CSMD1: variants seen among roughly 807,000 people sequenced by gnomAD.
The protein encoded by CSMD1 is CUB and Sushi multiple domains 1.
In CSMD1, 213 loss-of-function variants were observed where a neutral mutation model predicts 417.5. The observed-to-expected ratio is 0.51, with a 90% CI of 0.46 to 0.57. CSMD1 has a LOEUF of 0.57. CSMD1 is among the 20% of genes least tolerant of loss of function. CSMD1 has a pLI of 0.00. For synonymous variants in CSMD1, 2,862 were observed against 1,736.8 expected, an observed-to-expected ratio of 1.65 and a Z score of -16.11; for missense variants, 6,923 against 4,529.7, an observed-to-expected ratio of 1.53 and a Z score of -15.17.
intron 1 of CSMD1, among the ~76,000 whole-genome samples, chr8:4,785,031 C>A (rs1047667256): frequency 7.9e-5 from 12 of 152,156 alleles, no homozygotes; most frequent in Non-Finnish European, 1.8e-4. Context: ...CAGTTCTGGG[C>A]ACTGAATTAT....
At chr8:4,430,480 A>T (rs78997790) in intron 2 of CSMD1, among the ~76,000 whole-genome samples, 23,450 of 152,102 alleles carry the variant, frequency 0.15, 1,956 homozygotes, top group South Asian at 0.28. Flanking sequence ...TAGACATGGT[A>T]TATCATAATT....
At chr8:4,975,822 T>A (rs547946746) in intron 1 of CSMD1, among the ~76,000 whole-genome samples, 15 of 147,294 alleles carry the variant, frequency 1.0e-4, no homozygotes, top group African/African-American at 3.8e-4. Flanking sequence ...TTTTTTGCAA[T>A]AATAGAAAAA....
At chr8:4,947,737 G>T (rs1390085710) in intron 1 of CSMD1, among the ~76,000 whole-genome samples, 1 of 151,992 alleles carries the variant, frequency 6.6e-6, no homozygotes, top group Admixed American at 6.6e-5. Flanking sequence ...GAGTTTGCTT[G>T]CTTGATACAT....
At chr8:4,263,953 G>C (rs1281457921) in intron 3 of CSMD1, among the ~76,000 whole-genome samples, 1 of 152,150 alleles carries the variant, frequency 6.6e-6, no homozygotes, top group East Asian at 1.9e-4. Flanking sequence ...AATGCAATTT[G>C]TCATAGCAGA....
intron 4 of CSMD1, among the ~76,000 whole-genome samples, chr8:4,001,770 C>T (rs533332643): frequency 6.6e-6 from 1 of 151,998 alleles, no homozygotes; most frequent in African/African-American, 2.4e-5. Flanking sequence ...GACCAGAGCA[C>T]TGACTGCAAC....
chr8:4,906,014 A>G (rs549119112), intron 1 of CSMD1, among the ~76,000 whole-genome samples: 1 of 152,108 alleles, frequency 6.6e-6, no homozygotes, highest in African/African-American at 2.4e-5. Context: ...GTCTGATCCG[A>G]TAAATTAAAA....
At chr8:4,752,347 C>G (rs950426355) in intron 1 of CSMD1, among the ~76,000 whole-genome samples, 2 of 152,078 alleles carry the variant, frequency 1.3e-5, no homozygotes, top group African/African-American at 4.8e-5. Context: ...TGTGAGCAAT[C>G]TTTTTTATTC....
chr8:2,969,233 G>C (rs538097249), intron 57 of CSMD1, among the ~76,000 whole-genome samples: 1 of 152,216 alleles, frequency 6.6e-6, no homozygotes, highest in Admixed American at 6.5e-5. Context: ...TTAGCTTGTA[G>C]CTTATGCTAT....
chr8:3,849,397 G>A (rs776560249), intron 5 of CSMD1, among the ~76,000 whole-genome samples: 21 of 152,166 alleles, frequency 1.4e-4, no homozygotes, highest in Admixed American at 3.9e-4. Flanking sequence ...GCCAAGGAAG[G>A]ACGGACGAAA....
chr8:4,043,534 T>C (rs1414338901), intron 3 of CSMD1, among the ~76,000 whole-genome samples: 1 of 152,072 alleles, frequency 6.6e-6, no homozygotes, highest in African/African-American at 2.4e-5. Flanking sequence ...AGTAAAATAA[T>C]GAGAAAAGAC....
intron 18 of CSMD1, among the ~76,000 whole-genome samples, chr8:3,386,329 C>T (rs150111647): frequency 0.024 from 3,716 of 152,274 alleles, 64 homozygotes; most frequent in Middle Eastern, 0.044. Context: ...GCCCCACAGA[C>T]GCCGAACTCG....
intron 1 of CSMD1, among the ~76,000 whole-genome samples, chr8:4,933,376 C>A (rs566544570): frequency 6.6e-6 from 1 of 152,164 alleles, no homozygotes; most frequent in Non-Finnish European, 1.5e-5. Context: ...GTAAGTGCTG[C>A]TTCCTCCTCG....
At chr8:4,610,564 C>G (rs1166978988) in intron 2 of CSMD1, among the ~76,000 whole-genome samples, 1 of 152,162 alleles carries the variant, frequency 6.6e-6, no homozygotes, top group Non-Finnish European at 1.5e-5. Flanking sequence ...GCCGTTTTGT[C>G]ATACATATCC....
chr8:3,904,665 C>A (rs1267971776), intron 5 of CSMD1, among the ~76,000 whole-genome samples: 3 of 116,496 alleles, frequency 2.6e-5, no homozygotes, highest in African/African-American at 3.6e-5. Flanking sequence ...GAGATGAAGT[C>A]TTACTCTGTC....
At chr8:4,001,785 A>G (rs1002303452) in intron 4 of CSMD1, among the ~76,000 whole-genome samples, 2 of 152,198 alleles carry the variant, frequency 1.3e-5, no homozygotes, top group African/African-American at 4.8e-5. Flanking sequence ...TGCAACAGAC[A>G]AGTGGTGAAA....
chr8:3,601,194 A>T (rs1202411477), intron 8 of CSMD1, among the ~76,000 whole-genome samples: 3 of 152,140 alleles, frequency 2.0e-5, no homozygotes, highest in Non-Finnish European at 2.9e-5. Context: ...ATTCCTGTTC[A>T]TGGGAGCTGC....
intron 11 of CSMD1, among the ~76,000 whole-genome samples, chr8:3,490,581 T>A (rs962326549): frequency 1.3e-5 from 2 of 152,210 alleles, no homozygotes; most frequent in African/African-American, 2.4e-5. Flanking sequence ...TTATTTCATT[T>A]TTCTATTTCC....
chr8:4,722,775 C>T (rs1809144387), intron 1 of CSMD1, among the ~76,000 whole-genome samples: 1 of 152,100 alleles, frequency 6.6e-6, no homozygotes, highest in Non-Finnish European at 1.5e-5. Flanking sequence ...TTGAACTCAA[C>T]TACTTGAATA....
intron 10 of CSMD1, among the ~76,000 whole-genome samples, chr8:3,516,392 G>C (rs1013316058): frequency 1.3e-5 from 2 of 152,192 alleles, no homozygotes; most frequent in African/African-American, 4.8e-5. Flanking sequence ...ACTGGGATGT[G>C]TCAAAAGCCC....
Sources: gnomAD v4.1 joint callset for allele counts (sites outside exome capture counted in the v4.1 genomes callset) on GRCh38, gnomAD v4.1.1 for gene constraint, MANE v1.5 for transcripts, NCBI Gene and HGNC (gene_info 2026-07-23, HGNC 2026-07-21) for gene names.